Variants in CDKAL1 observed in about 807,000 individuals in gnomAD.
The protein encoded by CDKAL1 is CDKAL1 threonylcarbamoyladenosine tRNA methylthiotransferase.
Under a neutral mutation model 68.2 loss-of-function variants are expected in CDKAL1, and 32 were observed. The observed-to-expected ratio is 0.47, with a 90% CI of 0.35 to 0.63. CDKAL1 has a LOEUF of 0.63. CDKAL1 is among the 30% of genes least tolerant of loss of function. CDKAL1 has a pLI of 0.00. For synonymous variants in CDKAL1, 234 were observed against 244.3 expected, an observed-to-expected ratio of 0.96 and a Z score of 0.39; for missense variants, 606 against 696.7, an observed-to-expected ratio of 0.87 and a Z score of 1.47.
chr6:20,662,098 T>A (rs1769310771), intron 5 of CDKAL1, among the ~76,000 whole-genome samples: 1 of 152,198 alleles, frequency 6.6e-6, no homozygotes. Flanking sequence ...AAAAAGGCTC[T>A]TGTTTTTTTC....
chr6:20,873,263 G>A (rs569905686), intron 9 of CDKAL1, among the ~76,000 whole-genome samples: 1 of 152,284 alleles, frequency 6.6e-6, no homozygotes, highest in Non-Finnish European at 1.5e-5. Flanking sequence ...AGTCTTTAGT[G>A]TGATAAGAAT....
At chr6:20,712,246 G>A (rs1771880269) in intron 5 of CDKAL1, among the ~76,000 whole-genome samples, 1 of 152,144 alleles carries the variant, frequency 6.6e-6, no homozygotes, top group African/African-American at 2.4e-5. Flanking sequence ...AGTATGCAGG[G>A]TGCTACAGGA....
rs1344687160 is a variant in CDKAL1 at position 20,832,530 on chromosome 6, C to A, written c.639-13545C>A. Among the ~76,000 whole-genome samples the A allele has an allele frequency of 3.3e-5, 5 of 151,654 alleles. No individual in the cohort carries two copies. In the East Asian group the frequency reaches 9.7e-4, roughly 29 times the overall value. ...AATTAGCCAGGTTTGGTGGTGCAAG[C>A]CTGTATTCCCAGATTCTTGGGAGAC... On this transcript the variant is annotated intron_variant, in intron 8 of 15. Transcript: ENST00000274695.
chr6:21,173,937 T>C (rs1046256660), intron 13 of CDKAL1, among the ~76,000 whole-genome samples: 32 of 152,084 alleles, frequency 2.1e-4, no homozygotes, highest in African/African-American at 7.7e-4. Context: ...CAAGGTGTGG[T>C]GGCACTCAAC....
At chr6:20,548,533 A>C (rs1282381910) in intron 3 of CDKAL1, 60 bp from the exon 4 acceptor site, 6 of 165,500 alleles carry the variant, frequency 3.6e-5, no homozygotes, top group Admixed American at 2.0e-4. Context: ...ACCCTGGATC[A>C]AAAAAAAAAA....
At position 21,230,952 on chromosome 6, in the gene CDKAL1, G is replaced by T; in HGVS notation, c.1653G>T (p.Arg551Ser). Residue 551 changes from arginine to serine, a missense_variant, in exon 16 of 16, where the codon AGG (arginine) becomes AGT (serine). Transcript: ENST00000274695. ...CCAGAATGGTGCTGCCCATGCCAAG[G>T]CTACATCAAGACTGTGCGCTGAGGA... ...ASSRMVLPMP[R>S]LHQDCALRMS... The T allele has an allele frequency of 6.2e-7, 1 of 1,614,144 alleles. No individual in the cohort carries two copies. The highest frequency in any genetic ancestry group is 8.5e-7 in the Non-Finnish European group (1 of 1,179,978).
At chr6:21,001,229 A>G (rs1293496824) in intron 11 of CDKAL1, among the ~76,000 whole-genome samples, 3 of 152,198 alleles carry the variant, frequency 2.0e-5, no homozygotes, top group African/African-American at 7.2e-5. Flanking sequence ...ATTAAGATAC[A>G]ACTTTTTATT....
chr6:20,629,069 G>A (rs530500240), intron 4 of CDKAL1, among the ~76,000 whole-genome samples: 1 of 152,198 alleles, frequency 6.6e-6, no homozygotes, highest in South Asian at 2.1e-4. Flanking sequence ...GTCCTTTATG[G>A]CAAAAGAAAG....
intron 11 of CDKAL1, among the ~76,000 whole-genome samples, chr6:21,047,428 G>A (rs1388223378): frequency 6.6e-6 from 1 of 152,144 alleles, no homozygotes. Flanking sequence ...GGACGTAAAG[G>A]AAAATATTGA....
intron 9 of CDKAL1, among the ~76,000 whole-genome samples, chr6:20,912,306 G>A (rs770030414): frequency 6.6e-6 from 1 of 152,034 alleles, no homozygotes; most frequent in Non-Finnish European, 1.5e-5. Context: ...TGCTTGGGTG[G>A]GGAGGTAGCA....
chr6:21,064,983 T>C (rs1771352466), intron 11 of CDKAL1, 65 bp from the exon 12 acceptor site: 1 of 939,204 alleles, frequency 1.1e-6, no homozygotes, highest in African/African-American at 1.7e-5. Flanking sequence ...ATTTAAAATG[T>C]CAGGGAAATA....
At chr6:20,944,790 A>G (rs182099486) in intron 9 of CDKAL1, among the ~76,000 whole-genome samples, 4 of 152,290 alleles carry the variant, frequency 2.6e-5, no homozygotes, top group Admixed American at 6.5e-5. Flanking sequence ...CTGGTTATTG[A>G]TATATATGTT....
intron 8 of CDKAL1, among the ~76,000 whole-genome samples, chr6:20,808,989 C>T (rs1327438688): frequency 6.6e-6 from 1 of 152,138 alleles, no homozygotes; most frequent in East Asian, 1.9e-4. Context: ...AGCTATAACA[C>T]TTGAAGTAAA....
chr6:21,130,973 T>A (rs536289521), intron 13 of CDKAL1, among the ~76,000 whole-genome samples: 1 of 152,346 alleles, frequency 6.6e-6, no homozygotes, highest in South Asian at 2.1e-4. Context: ...GTTTTCCTTC[T>A]GCACCAGCTC....
At chr6:21,087,708 C>T (rs1772768512) in intron 12 of CDKAL1, among the ~76,000 whole-genome samples, 1 of 151,898 alleles carries the variant, frequency 6.6e-6, no homozygotes, top group Non-Finnish European at 1.5e-5. Flanking sequence ...GTCAATGGTT[C>T]TTAACATTTT....
intron 4 of CDKAL1, among the ~76,000 whole-genome samples, chr6:20,582,399 T>C (rs1346968041): frequency 1.3e-5 from 2 of 152,202 alleles, no homozygotes; most frequent in Non-Finnish European, 2.9e-5. Flanking sequence ...ATTTAAGTTA[T>C]ACATACATAT....
At chr6:21,203,545 A>C (rs1326766756) in intron 15 of CDKAL1, among the ~76,000 whole-genome samples, 1 of 151,534 alleles carries the variant, frequency 6.6e-6, no homozygotes, top group Non-Finnish European at 1.5e-5. Context: ...CCCAGCTGAT[A>C]CTGTTTATTT....
intron 9 of CDKAL1, among the ~76,000 whole-genome samples, chr6:20,939,616 A>G (rs142804770): frequency 1.1e-4 from 17 of 152,288 alleles, no homozygotes; most frequent in East Asian, 5.8e-4. Context: ...TGCAATTACT[A>G]TAAGTACTCT....
At chr6:20,870,092 G>A (rs559817730) in intron 9 of CDKAL1, among the ~76,000 whole-genome samples, 4 of 152,148 alleles carry the variant, frequency 2.6e-5, no homozygotes, top group Non-Finnish European at 5.9e-5. Flanking sequence ...TTCCATGAAT[G>A]TTCCAAAAAT....
Sources: allele counts gnomAD v4.1 joint callset (sites outside exome capture counted in the v4.1 genomes callset), GRCh38; gene constraint gnomAD v4.1.1; transcripts MANE v1.5; gene names NCBI Gene and HGNC (gene_info 2026-07-23, HGNC 2026-07-21).